Variants in ADA observed in about 807,000 individuals in gnomAD.
ADA encodes adenosine aminohydrolase.
In ADA, 45 loss-of-function variants were observed where a neutral mutation model predicts 49.0. The ratio of observed to expected loss-of-function variants is 0.92; its 90% confidence interval spans 0.72 to 1.18. ADA has a LOEUF of 1.18. Among genes scored for constraint, ADA ranks in the 50% most tolerant of loss-of-function variants. The probability of loss-of-function intolerance (pLI) is 0.00; values close to 1 mark genes in which losing one functional copy is unlikely to be tolerated. For missense variants in ADA, 445 were observed against 472.5 expected (o/e 0.94, Z 0.54); for synonymous variants, 173 against 184.2 (o/e 0.94, Z 0.49).
At chr20:44,620,439 GAACA>G in intron 10 of ADA, 38 bp from the exon 11 acceptor site, 1 of 1,548,826 alleles carries the variant, frequency 6.5e-7, no homozygotes, top group East Asian at 2.2e-5. Context: ...TGGAACCAGA[GAACA>G]AAGAAGGCAG....
At chr20:44,647,391 G>A (rs1297070387) in intron 1 of ADA, among the ~76,000 whole-genome samples, 1 of 151,726 alleles carries the variant, frequency 6.6e-6, no homozygotes, top group Non-Finnish European at 1.5e-5. Flanking sequence ...AGCCGAGGTC[G>A]TGCCATTGCA....
chr20:44,629,022 G>A (rs941986275), intron 3 of ADA, 25 bp downstream of exon 3: 1 of 1,613,976 alleles, frequency 6.2e-7, no homozygotes, highest in African/African-American at 1.3e-5. Flanking sequence ...GCTGCCCTAG[G>A]ACCTGTGGGT....
Position 44,623,103 on chromosome 20 carries a change from G to C in ADA, c.607-25C>G, listed in dbSNP as rs1392565883. 2.5e-6 allele frequency: 4 copies of C among 1,613,418 alleles called. No homozygotes were observed. The Admixed American group carries it at 6.7e-5, about 27-fold the overall frequency. On this transcript the variant is annotated intron_variant, in intron 6 of 11. Transcript: ENST00000372874. ...CCTGGAAGGGGGAGAGCCAGGTCATGGGTGCCCTAGCGGGAGGGCCCCGGC... is the reference window on the plus strand; with the variant it reads ...CCTGGAAGGGGGAGAGCCAGGTCATCGGTGCCCTAGCGGGAGGGCCCCGGC...
intron 5 of ADA, 45 bp from the exon 6 acceptor site, chr20:44,624,374 A>G (rs770374608): frequency 1.2e-6 from 2 of 1,610,550 alleles, no homozygotes; most frequent in Non-Finnish European, 8.5e-7. Flanking sequence ...AGCACCATGG[A>G]GAGACCTCCC....
intron 1 of ADA, among the ~76,000 whole-genome samples, chr20:44,639,347 G>A (rs1268032817): frequency 6.6e-6 from 1 of 151,948 alleles, no homozygotes; most frequent in Non-Finnish European, 1.5e-5. Flanking sequence ...CTCCCTCCAG[G>A]AGGGAGGATG....
intron 1 of ADA, 30 bp from the exon 2 acceptor site, chr20:44,636,318 A>T: frequency 1.3e-6 from 2 of 1,549,334 alleles, no homozygotes; most frequent in Non-Finnish European, 1.8e-6. Flanking sequence ...AGAGAGAGAG[A>T]AAGGGAGAGA....
chr20:44,629,325 T>C (rs1264041869), intron 2 of ADA, among the ~76,000 whole-genome samples, 156 bp from the exon 3 acceptor site: 2 of 152,160 alleles, frequency 1.3e-5, no homozygotes, highest in African/African-American at 4.8e-5. Context: ...ACTGGACAGA[T>C]GGGGAAACTG....
chr20:44,641,534 AC>A (rs1443197225), intron 1 of ADA, among the ~76,000 whole-genome samples: 1 of 152,104 alleles, frequency 6.6e-6, no homozygotes, highest in Non-Finnish European at 1.5e-5. Context: ...AAGTTTAAAC[AC>A]CCATGGGGAT....
intron 4 of ADA, among the ~76,000 whole-genome samples, chr20:44,626,006 G>A (rs2065379223): frequency 6.6e-6 from 1 of 152,214 alleles, no homozygotes; most frequent in Admixed American, 6.5e-5. Context: ...TCATGGCTCA[G>A]AAAATGGGGC....
intron 9 of ADA, among the ~76,000 whole-genome samples, chr20:44,622,286 A>C (rs2065339349): frequency 6.6e-6 from 1 of 152,206 alleles, no homozygotes; most frequent in African/African-American, 2.4e-5. Context: ...CAGGGGGCAG[A>C]GTTGGGAGAA....
intron 2 of ADA, among the ~76,000 whole-genome samples, chr20:44,631,642 C>T (rs2065434146): frequency 6.6e-6 from 1 of 152,220 alleles, no homozygotes; most frequent in African/African-American, 2.4e-5. Flanking sequence ...CCTCCAGCCC[C>T]CAGAACTCCA....
At chr20:44,622,706 T>TC (rs2065343567) in intron 8 of ADA, 54 bp from the exon 9 acceptor site, 8 of 1,612,692 alleles carry the variant, frequency 5.0e-6, no homozygotes, top group Non-Finnish European at 5.9e-6. Context: ...TGCTGATTCC[T>TC]CCCCCCATGT....
intron 1 of ADA, among the ~76,000 whole-genome samples, chr20:44,650,032 G>A (rs1003319375): frequency 6.6e-6 from 1 of 152,176 alleles, no homozygotes; most frequent in Non-Finnish European, 1.5e-5. Context: ...ACTGCACCCC[G>A]CCAATCAAAG....
chr20:44,624,426 G>A, intron 5 of ADA, 97 bp from the exon 6 acceptor site: 1 of 1,552,592 alleles, frequency 6.4e-7, no homozygotes, highest in Non-Finnish European at 8.8e-7. Flanking sequence ...CCCATGGGAG[G>A]CCAGCACAAA....
chr20:44,626,366 C>T, intron 4 of ADA, 90 bp downstream of exon 4: 2 of 1,585,248 alleles, frequency 1.3e-6, no homozygotes, highest in Non-Finnish European at 1.7e-6. Context: ...TTGCTTGGGT[C>T]AGGGATTCCC....
intron 2 of ADA, 179 bp downstream of exon 2, chr20:44,636,048 C>G: frequency 1.5e-6 from 1 of 652,526 alleles, no homozygotes; most frequent in Non-Finnish European, 2.7e-6. Context: ...GTCTGCGGGT[C>G]TCCAGCTCAG....
chr20:44,649,472 C>T (rs1413811865), intron 1 of ADA, among the ~76,000 whole-genome samples: 6 of 152,034 alleles, frequency 3.9e-5, no homozygotes, highest in Admixed American at 2.0e-4. Flanking sequence ...ACTCAGGACA[C>T]GGGACACCCA....
At chr20:44,638,345 G>T (rs1050730543) in intron 1 of ADA, among the ~76,000 whole-genome samples, 1 of 152,220 alleles carries the variant, frequency 6.6e-6, no homozygotes, top group Non-Finnish European at 1.5e-5. Flanking sequence ...GGAGGCCGAG[G>T]TGGGTGGATC....
At chr20:44,643,673 G>A (rs993617066) in intron 1 of ADA, among the ~76,000 whole-genome samples, 6 of 152,116 alleles carry the variant, frequency 3.9e-5, no homozygotes, top group Non-Finnish European at 7.4e-5. Flanking sequence ...CACTCATGTC[G>A]AGACAGTGCC....
Sources: allele counts gnomAD v4.1 joint callset (sites outside exome capture counted in the v4.1 genomes callset), GRCh38; gene constraint gnomAD v4.1.1; transcripts MANE v1.5; gene names NCBI Gene and HGNC (gene_info 2026-07-23, HGNC 2026-07-21).